Variants in PDE7B observed in about 807,000 individuals in gnomAD.
PDE7B encodes 3',5'-cyclic-AMP phosphodiesterase 7B.
A neutral mutation model predicts 56.2 loss-of-function variants in PDE7B; 29 were observed. The observed-to-expected ratio is 0.52, with a 90% CI of 0.38 to 0.70. The LOEUF (loss-of-function observed/expected upper bound fraction) is 0.70, where lower values mean the gene tolerates loss of function less well. PDE7B is among the 30% of genes least tolerant of loss of function. The pLI is 0.00. For missense variants in PDE7B, 490 were observed against 565.0 expected (o/e 0.87, Z 1.35); for synonymous variants, 197 against 196.9 (o/e 1.00, Z 0.00).
chr6:135,940,846 A>G (rs918355805), intron 1 of PDE7B, among the ~76,000 whole-genome samples: 4 of 152,348 alleles, frequency 2.6e-5, no homozygotes, highest in East Asian at 3.8e-4. Flanking sequence ...AAACTTCAGA[A>G]TAGCCCACAG....
chr6:135,903,223 C>T (rs534729446), intron 1 of PDE7B, among the ~76,000 whole-genome samples: 1 of 152,290 alleles, frequency 6.6e-6, no homozygotes, highest in South Asian at 2.1e-4. Flanking sequence ...CTCAACACCT[C>T]ACATCTATTT....
At chr6:135,918,136 A>G (rs1309498222) in intron 1 of PDE7B, among the ~76,000 whole-genome samples, 1 of 152,120 alleles carries the variant, frequency 6.6e-6, no homozygotes, top group Non-Finnish European at 1.5e-5. Flanking sequence ...GGCTGGTTCA[A>G]AATTCTAGCC....
chr6:136,098,149 A>AAAAAAAAAAT (rs1311774244), intron 2 of PDE7B: 27 of 135,470 alleles, frequency 2.0e-4, no homozygotes, highest in African/African-American at 7.4e-4. Flanking sequence ...GGGGGGGGGA[A>AAAAAAAAAAT]ATATATGTAT....
In PDE7B at chr6:135,901,404, A is replaced by C. The variant is rs190333153; in HGVS notation, c.22-46060A>C. 2.0e-3 allele frequency among the ~76,000 whole-genome samples: 309 copies of C among 152,314 alleles called. 1 individual carries two copies. Among genetic ancestry groups the C allele is most frequent in the African/African-American group, 6.9e-3 (287 of 41,576 alleles). ...ATTTTAATAAAGACAGTGGTACTTTATTAAAATATTTGAATTTGAAAATGT... is the reference window on the plus strand; with the variant it reads ...ATTTTAATAAAGACAGTGGTACTTTCTTAAAATATTTGAATTTGAAAATGT... On this transcript the variant is annotated intron_variant, in intron 1 of 12. Coordinates refer to ENST00000308191, the MANE Select transcript of PDE7B (RefSeq NM_018945.4).
At chr6:136,033,383 T>A (rs4639354) in intron 2 of PDE7B, among the ~76,000 whole-genome samples, 113,346 of 152,132 alleles carry the variant, frequency 0.75, 42,440 homozygotes, top group African/African-American at 0.81. Context: ...ACAAAAATAA[T>A]TGAATAAGTA....
At position 135,993,598 on chromosome 6, in the gene PDE7B, C is replaced by A. The variant is rs1042862631; in HGVS notation, c.82+46074C>A. Among the ~76,000 whole-genome samples the A allele has an allele frequency of 3.3e-5, 5 of 152,166 alleles. No homozygotes were observed. In the East Asian group the frequency reaches 9.6e-4, roughly 29 times the overall value. On this transcript the variant is annotated intron_variant, in intron 2 of 12. Coordinates refer to ENST00000308191, the MANE Select transcript of PDE7B (RefSeq NM_018945.4). ...AGAGCATGTCTGTTGACAGTCCTAA[C>A]CATTTCTATGAGGAGGCCTTGTGTA...
chr6:135,931,091 G>A (rs1453056763), intron 1 of PDE7B, among the ~76,000 whole-genome samples: 1 of 152,114 alleles, frequency 6.6e-6, no homozygotes, highest in Non-Finnish European at 1.5e-5. Flanking sequence ...CACAAAAGAG[G>A]TTTGCTTTCC....
intron 2 of PDE7B, among the ~76,000 whole-genome samples, chr6:136,058,913 T>C (rs1776786868): frequency 6.6e-6 from 1 of 152,236 alleles, no homozygotes; most frequent in African/African-American, 2.4e-5. Context: ...AATAGTTTAA[T>C]AGAAAGTAAG....
chr6:135,889,750 A>ATTT (rs35311247), intron 1 of PDE7B, among the ~76,000 whole-genome samples: 47 of 74,826 alleles, frequency 6.3e-4, no homozygotes, highest in Non-Finnish European at 8.5e-4. Flanking sequence ...CGGTGCTACC[A>ATTT]TTTTTTTTTT....
intron 2 of PDE7B, among the ~76,000 whole-genome samples, chr6:136,029,678 T>A (rs1776213154): frequency 6.6e-6 from 1 of 152,138 alleles, no homozygotes; most frequent in Non-Finnish European, 1.5e-5. Flanking sequence ...ATTTTCAAAA[T>A]AGAAGGAGAA....
chr6:136,181,451 TTC>T (rs1779065989), intron 11 of PDE7B, 128 bp downstream of exon 11: 1 of 661,062 alleles, frequency 1.5e-6, no homozygotes, highest in South Asian at 1.8e-5. Flanking sequence ...ATCCTAACCT[TTC>T]TCTTTTACTC....
chr6:135,916,268 G>A (rs753879510), intron 1 of PDE7B, among the ~76,000 whole-genome samples: 67 of 151,644 alleles, frequency 4.4e-4, no homozygotes, highest in Non-Finnish European at 6.0e-4. Context: ...ATGGGTGTGT[G>A]GTGGTTTTAA....
chr6:136,189,930 T>C (rs1779195322), intron 12 of PDE7B, among the ~76,000 whole-genome samples: 1 of 152,242 alleles, frequency 6.6e-6, no homozygotes, highest in South Asian at 2.1e-4. Flanking sequence ...AAGAAGTCTT[T>C]ATATCTGAAA....
chr6:135,924,577 G>A (rs1774147369), intron 1 of PDE7B, among the ~76,000 whole-genome samples: 1 of 139,874 alleles, frequency 7.1e-6, no homozygotes, highest in African/African-American at 2.7e-5. Flanking sequence ...GCTTAGAACA[G>A]TGAATTTCAA....
At chr6:136,011,123 T>C (rs953160568) in intron 2 of PDE7B, among the ~76,000 whole-genome samples, 10 of 152,162 alleles carry the variant, frequency 6.6e-5, no homozygotes, top group Non-Finnish European at 1.5e-4. Context: ...TTCTTAATAA[T>C]GGGTTTTCAC....
At chr6:136,012,524 G>A (rs1775912071) in intron 2 of PDE7B, 1 of 152,192 alleles carries the variant, frequency 6.6e-6, no homozygotes, top group African/African-American at 2.4e-5. Flanking sequence ...AAGGAACGAG[G>A]AATATGTGTT....
intron 2 of PDE7B, among the ~76,000 whole-genome samples, chr6:135,999,732 A>T (rs372613639): frequency 4.6e-5 from 7 of 151,748 alleles, no homozygotes; most frequent in African/African-American, 1.7e-4. Context: ...ATATGCATGC[A>T]TGTGTCTTTA....
chr6:136,032,252 A>G (rs1410099883), intron 2 of PDE7B, among the ~76,000 whole-genome samples: 1 of 152,206 alleles, frequency 6.6e-6, no homozygotes, highest in Non-Finnish European at 1.5e-5. Flanking sequence ...TATGACACAA[A>G]GCTGCACAGC....
intron 2 of PDE7B, among the ~76,000 whole-genome samples, chr6:135,958,878 C>T (rs1331197439): frequency 6.6e-6 from 1 of 152,098 alleles, no homozygotes; most frequent in East Asian, 1.9e-4. Flanking sequence ...AGCATGAACG[C>T]TATCAAGCTT....
Sources: allele counts gnomAD v4.1 joint callset (sites outside exome capture counted in the v4.1 genomes callset), GRCh38; gene constraint gnomAD v4.1.1; transcripts MANE v1.5; gene names NCBI Gene and HGNC (gene_info 2026-07-23, HGNC 2026-07-21).